Variants in TPRG1 observed in about 807,000 individuals in gnomAD.
TPRG1 encodes tumor protein p63-regulated gene 1 protein.
TPRG1 carries 29 observed loss-of-function variants against 29.3 expected under a neutral mutation model. That is an observed-to-expected ratio of 0.99 (90% CI 0.74 to 1.35). The LOEUF (loss-of-function observed/expected upper bound fraction) is 1.35. Among genes scored for constraint, TPRG1 ranks in the 40% most tolerant of loss-of-function variants. TPRG1 has a pLI of 0.00. For missense variants in TPRG1, 327 were observed against 335.0 expected (o/e 0.98, Z 0.19); for synonymous variants, 130 against 116.8 (o/e 1.11, Z -0.73).
chr3:189,058,464 C>G (rs1210023624), intron 4 of TPRG1, among the ~76,000 whole-genome samples: 2 of 152,208 alleles, frequency 1.3e-5, no homozygotes, highest in Non-Finnish European at 2.9e-5. Context: ...TGGCACCAAA[C>G]ACACAACCTA....
intron 4 of TPRG1, among the ~76,000 whole-genome samples, chr3:189,262,377 T>C (rs1321172746): frequency 1.3e-5 from 2 of 152,076 alleles, no homozygotes; most frequent in African/African-American, 4.8e-5. Context: ...ATGCACTTCA[T>C]GCTCATTACT....
At chr3:189,226,804 A>G (rs77611255) in intron 3 of TPRG1, among the ~76,000 whole-genome samples, 1 of 151,124 alleles carries the variant, frequency 6.6e-6, no homozygotes, top group African/African-American at 2.4e-5. Context: ...TGACAAAAAA[A>G]AAAAAAAAGA....
At chr3:189,182,411 C>T (rs1407836055) in intron 1 of TPRG1, among the ~76,000 whole-genome samples, 1 of 152,252 alleles carries the variant, frequency 6.6e-6, no homozygotes, top group East Asian at 1.9e-4. Flanking sequence ...CACATTAAAA[C>T]AAATATCTGA....
At chr3:189,109,171 A>C (rs999092581) in intron 1 of TPRG1, among the ~76,000 whole-genome samples, 10 of 152,062 alleles carry the variant, frequency 6.6e-5, no homozygotes, top group African/African-American at 2.4e-4. Flanking sequence ...GAAGGAGAAG[A>C]GGAGGAAGGG....
chr3:189,137,482 TAA>T (rs1723915582), intron 3 of TPRG1, among the ~76,000 whole-genome samples: 1 of 152,122 alleles, frequency 6.6e-6, no homozygotes, highest in South Asian at 2.1e-4. Context: ...AGGGTGTCCT[TAA>T]GTTGTACAGA....
intron 1 of TPRG1, among the ~76,000 whole-genome samples, chr3:189,182,300 C>T (rs1730332154): frequency 6.6e-6 from 1 of 152,162 alleles, no homozygotes; most frequent in African/African-American, 2.4e-5. Context: ...CAATGAAGAA[C>T]TCTTGCTGAG....
chr3:189,018,248 G>A (rs1345881851), intron 3 of TPRG1, among the ~76,000 whole-genome samples: 4 of 144,794 alleles, frequency 2.8e-5, no homozygotes, highest in Admixed American at 2.1e-4. Context: ...GATCCCATTT[G>A]TCAATTTTGG....
At chr3:189,175,999 A>G (rs186979850) in intron 1 of TPRG1, among the ~76,000 whole-genome samples, 97 of 152,344 alleles carry the variant, frequency 6.4e-4, no homozygotes, top group Non-Finnish European at 1.1e-3. Flanking sequence ...TTCCTTCATA[A>G]TAAACATTAC....
At chr3:189,253,529 T>C (rs893782414) in intron 4 of TPRG1, among the ~76,000 whole-genome samples, 1 of 152,228 alleles carries the variant, frequency 6.6e-6, no homozygotes, top group Non-Finnish European at 1.5e-5. Flanking sequence ...GTTCCAAGTC[T>C]TTGCTATTGT....
At position 189,235,234 on chromosome 3, in the gene TPRG1, T is replaced by TTTC. The variant is rs1553928312; in HGVS notation, c.303-3499_303-3498insTTC. On this transcript the variant is annotated intron_variant, in intron 3 of 5. Transcript: ENST00000345063. ...GAGGTTTGCTTTTTTTTTTTTTTTTTCCAAAGGATCCCCTCACTGCAGTAG... is the reference window on the plus strand; with the variant it reads ...GAGGTTTGCTTTTTTTTTTTTTTTTTTTCCCAAAGGATCCCCTCACTGCAGTAG... Among the ~76,000 whole-genome samples, 832 of 148,572 alleles carry TTTC rather than the reference T, an allele frequency of 5.6e-3. 8 individuals are homozygous for TTTC. Among genetic ancestry groups the TTTC allele is most frequent in the Non-Finnish European group, 8.7e-3 (588 of 67,482 alleles).
exon 1 of TPRG1, chr3:189,100,156 C>T (rs945174416): frequency 6.6e-6 from 1 of 152,428 alleles, no homozygotes; most frequent in African/African-American, 2.4e-5. Flanking sequence ...AGGAGCTGGG[C>T]TGGAGCAGTG....
At chr3:189,050,478 A>G (rs1181555142) in intron 4 of TPRG1, among the ~76,000 whole-genome samples, 2 of 152,194 alleles carry the variant, frequency 1.3e-5, no homozygotes, top group African/African-American at 4.8e-5. Context: ...AGGACCAGAC[A>G]GATTCAGAGC....
chr3:189,323,090 A>C lies in TPRG1; in HGVS notation c.*2270A>C, dbSNP rs1229069635. 6.6e-6 allele frequency: 1 copy of C among 152,120 alleles called. No homozygotes were observed. Among genetic ancestry groups the C allele is most frequent in the Non-Finnish European group, 1.5e-5 (1 of 68,000 alleles). The allele number at this position is 152,120 out of a possible 1,614,324, so 9.4% of individuals were successfully genotyped here. A position where few individuals can be genotyped will look rare whatever the true frequency, so the allele number is the denominator to read the frequency against. ...TAAGAAAGAACTTCTTATAGTTATA[A>C]ATTTTCAATGATGGAATGGGTTGCT... On this transcript the variant is annotated 3_prime_UTR_variant, in exon 6 of 6. Coordinates refer to ENST00000345063, the MANE Select transcript of TPRG1 (RefSeq NM_198485.4).
intron 3 of TPRG1, among the ~76,000 whole-genome samples, chr3:189,216,026 CTGT>C (rs1736014542): frequency 1.3e-5 from 2 of 152,246 alleles, no homozygotes; most frequent in East Asian, 1.9e-4. Flanking sequence ...CTCAGAAATT[CTGT>C]TGTTTGTGTG....
intron 1 of TPRG1, among the ~76,000 whole-genome samples, chr3:188,998,288 CT>C (rs1417712449): frequency 1.3e-5 from 2 of 152,184 alleles, no homozygotes; most frequent in Admixed American, 1.3e-4. Context: ...CAAATGTGAG[CT>C]GTAGCTTAGA....
At chr3:189,262,148 G>A (rs570374628) in intron 4 of TPRG1, among the ~76,000 whole-genome samples, 4 of 152,018 alleles carry the variant, frequency 2.6e-5, no homozygotes, top group African/African-American at 9.7e-5. Flanking sequence ...GAAATTCTAA[G>A]GATTTGAACT....
intron 4 of TPRG1, among the ~76,000 whole-genome samples, chr3:189,242,361 T>TTTTATAATTTACGTA (rs145295931): frequency 0.018 from 2,667 of 152,186 alleles, 105 homozygotes; most frequent in African/African-American, 0.062. Context: ...ATTAATCGTT[T>TTTTATAATTTACGTA]TTTATTTATG....
At chr3:189,040,167 G>A (rs1020158586) in intron 4 of TPRG1, among the ~76,000 whole-genome samples, 1 of 152,112 alleles carries the variant, frequency 6.6e-6, no homozygotes, top group African/African-American at 2.4e-5. Flanking sequence ...TTTTTTATAA[G>A]TCATGTTTTC....
intron 1 of TPRG1, among the ~76,000 whole-genome samples, chr3:189,191,266 C>CA (rs1731652583): frequency 6.6e-6 from 1 of 152,194 alleles, no homozygotes; most frequent in South Asian, 2.1e-4. Context: ...TTCAGCAAGA[C>CA]AATATGAAAG....
Sources: allele counts gnomAD v4.1 joint callset (sites outside exome capture counted in the v4.1 genomes callset), GRCh38; gene constraint gnomAD v4.1.1; transcripts MANE v1.5; gene names NCBI Gene and HGNC (gene_info 2026-07-23, HGNC 2026-07-21).